EYS: variants seen among roughly 807,000 people sequenced by gnomAD.
EYS encodes protein eyes shut homolog.
Under a neutral mutation model 282.1 loss-of-function variants are expected in EYS, and 250 were observed. The ratio of observed to expected loss-of-function variants is 0.89; its 90% CI spans 0.80 to 0.98. EYS has a LOEUF of 0.98. Among genes scored for constraint, EYS ranks in the 50% least tolerant of loss-of-function variants. The pLI, the probability that EYS is intolerant of heterozygous loss-of-function variation, is 0.00. For synonymous variants in EYS, 1,355 were observed against 1,282.9 expected, an observed-to-expected ratio of 1.06 and a Z score of -1.20; for missense variants, 4,016 against 3,709.0, an observed-to-expected ratio of 1.08 and a Z score of -2.15.
intron 13 of EYS, among the ~76,000 whole-genome samples, chr6:65,055,977 G>A (rs1011735856): frequency 6.6e-5 from 10 of 151,888 alleles, no homozygotes; most frequent in African/African-American, 2.2e-4. Context: ...TTAAGGGATG[G>A]GGAGTTTTGT....
intron 2 of EYS, among the ~76,000 whole-genome samples, chr6:65,593,277 A>C (rs1171585456): frequency 6.6e-6 from 1 of 152,012 alleles, no homozygotes; most frequent in African/African-American, 2.4e-5. Flanking sequence ...GTTAAACATA[A>C]ATGGAAAAAA....
intron 31 of EYS, among the ~76,000 whole-genome samples, chr6:64,152,721 C>G (rs1262483911): frequency 2.0e-5 from 3 of 152,100 alleles, no homozygotes; most frequent in Non-Finnish European, 2.9e-5. Context: ...TAGAGAGTCA[C>G]CTTTCTGAGT....
chr6:65,105,837 G>C (rs1775019586), intron 12 of EYS, among the ~76,000 whole-genome samples: 1 of 151,866 alleles, frequency 6.6e-6, no homozygotes, highest in African/African-American at 2.4e-5. Flanking sequence ...TATTGCTAGA[G>C]CAGGAAAATT....
At chr6:64,142,859 G>A (rs1774381764) in intron 31 of EYS, among the ~76,000 whole-genome samples, 3 of 152,222 alleles carry the variant, frequency 2.0e-5, no homozygotes, top group African/African-American at 7.2e-5. Flanking sequence ...TGAATATGGA[G>A]GTAAGAGAGG....
intron 13 of EYS, among the ~76,000 whole-genome samples, chr6:65,055,500 T>A (rs933029957): frequency 8.5e-5 from 13 of 152,098 alleles, no homozygotes; most frequent in Non-Finnish European, 1.8e-4. Flanking sequence ...AACTAATGTC[T>A]GTACTTTATT....
chr6:64,798,043 A>G (rs1483802769), intron 22 of EYS, among the ~76,000 whole-genome samples: 1 of 151,896 alleles, frequency 6.6e-6, no homozygotes, highest in African/African-American at 2.4e-5. Context: ...TATATTCTTT[A>G]TAATCGTATT....
In EYS at chr6:63,999,087, G is replaced by T. The variant is rs1055095941; in HGVS notation, c.6822C>A (p.Ser2274=). The T allele has an allele frequency of 4.1e-5, 64 of 1,548,930 alleles. No homozygotes were observed. The highest frequency in any genetic ancestry group is 6.9e-5 in the African/African-American group (5 of 72,950). Residue 2274 remains serine, a synonymous_variant, in exon 34 of 43, where the codon TCC becomes TCA. Transcript: ENST00000503581. ...TTTGCATACCTACCTGAGAGGCATGGGAAATCTCTGTGTCTTTCTTCTGTA... is the reference window on the plus strand; with the variant it reads ...TTTGCATACCTACCTGAGAGGCATGTGAAATCTCTGTGTCTTTCTTCTGTA... ...PPVQKKDTEI[S]HASQAYFESM...
intron 28 of EYS, among the ~76,000 whole-genome samples, chr6:64,431,572 T>TCTACAGTACCCAATAG (rs1774577845): frequency 2.6e-5 from 4 of 152,176 alleles, no homozygotes; most frequent in Admixed American, 2.6e-4. Flanking sequence ...TATTGGGTAC[T>TCTACAGTACCCAATAG]GTAGGTTAGC....
intron 2 of EYS, among the ~76,000 whole-genome samples, chr6:65,517,401 T>G (rs1425771649): frequency 1.3e-5 from 2 of 151,842 alleles, no homozygotes; most frequent in Non-Finnish European, 2.9e-5. Flanking sequence ...AAATCAATCT[T>G]CTTACTCTAC....
chr6:65,002,767 T>C (rs1771506653), intron 13 of EYS, among the ~76,000 whole-genome samples: 1 of 147,704 alleles, frequency 6.8e-6, no homozygotes, highest in Admixed American at 6.7e-5. Context: ...AGAACGTAGA[T>C]TGTGAAGATT....
At chr6:64,223,514 A>T (rs1258979607) in intron 31 of EYS, among the ~76,000 whole-genome samples, 1 of 151,210 alleles carries the variant, frequency 6.6e-6, no homozygotes, top group Non-Finnish European at 1.5e-5. Flanking sequence ...CCCCTGAAAA[A>T]CTCTGGGGGA....
chr6:64,044,112 T>C (rs1268266132), intron 33 of EYS, among the ~76,000 whole-genome samples: 1 of 152,230 alleles, frequency 6.6e-6, no homozygotes, highest in Admixed American at 6.5e-5. Context: ...TTTCTATATC[T>C]TTTGAAAATA....
At chr6:65,580,969 A>C (rs2127360312) in intron 2 of EYS, among the ~76,000 whole-genome samples, 1 of 152,256 alleles carries the variant, frequency 6.6e-6, no homozygotes, top group South Asian at 2.1e-4. Flanking sequence ...GTGGTTAAAT[A>C]TAATTTGACA....
Position 65,532,299 on chromosome 6 carries a change from C to G in EYS, c.-332-36306G>C, listed in dbSNP as rs565382563. Reference sequence around the variant, plus strand: ...ATTTACTCTGGTACGTATTTTAAAGCCTTCATATTTCTATTCAATCTGAAT... The same window carrying G: ...ATTTACTCTGGTACGTATTTTAAAGGCTTCATATTTCTATTCAATCTGAAT... On this transcript the variant is annotated intron_variant, in intron 2 of 42. Coordinates refer to ENST00000503581, the MANE Select transcript of EYS (RefSeq NM_001142800.2). Among the ~76,000 whole-genome samples, 14 of 152,138 alleles carry G rather than the reference C, an allele frequency of 9.2e-5. 1 individual carries two copies. The highest frequency in any genetic ancestry group is 2.9e-4 in the African/African-American group (12 of 41,536).
At chr6:64,680,672 G>C (rs1769866793) in intron 22 of EYS, among the ~76,000 whole-genome samples, 1 of 152,158 alleles carries the variant, frequency 6.6e-6, no homozygotes, top group Admixed American at 6.5e-5. Flanking sequence ...CCAACTCATA[G>C]GGCAGAATTA....
rs1326181479 is a variant in EYS, at chr6:64,902,512, A to G, written c.2642-12T>C. ...TTTACCTTCAAATTCTGCAAAGAGTATGAGATGAGTATGGATGAGCAATCC... is the reference window on the plus strand; with the variant it reads ...TTTACCTTCAAATTCTGCAAAGAGTGTGAGATGAGTATGGATGAGCAATCC... On this transcript the variant is annotated splice_polypyrimidine_tract_variant and intron_variant, in intron 16 of 42. Coordinates refer to ENST00000503581, the MANE Select transcript of EYS (RefSeq NM_001142800.2). The G allele has an allele frequency of 2.7e-6, 4 of 1,484,152 alleles. No individual in the cohort carries two copies. Among genetic ancestry groups the G allele is most frequent in the Non-Finnish European group, 3.6e-6 (4 of 1,102,176 alleles). 91.9% of individuals were successfully genotyped at this position (1,484,152 alleles called of 1,614,324 possible).
intron 31 of EYS, among the ~76,000 whole-genome samples, chr6:64,130,287 A>G (rs1025479619): frequency 6.6e-6 from 1 of 152,240 alleles, no homozygotes; most frequent in Non-Finnish European, 1.5e-5. Context: ...GCACCATGGA[A>G]TACTATGCAG....
At chr6:65,639,389 C>T (rs996263499) in intron 2 of EYS, among the ~76,000 whole-genome samples, 1 of 151,778 alleles carries the variant, frequency 6.6e-6, no homozygotes, top group African/African-American at 2.4e-5. Context: ...TATGTTTATC[C>T]ATTAACTCAA....
chr6:63,796,122 G>A (rs201440799), intron 37 of EYS, among the ~76,000 whole-genome samples: 21 of 152,122 alleles, frequency 1.4e-4, no homozygotes, highest in Non-Finnish European at 2.2e-4. Flanking sequence ...AGAGACTTTC[G>A]AGGCACACCC....
Sources: allele counts gnomAD v4.1 joint callset (sites outside exome capture counted in the v4.1 genomes callset), GRCh38; gene constraint gnomAD v4.1.1; transcripts MANE v1.5; gene names NCBI Gene and HGNC (gene_info 2026-07-23, HGNC 2026-07-21).